PCDHGB2: variants seen among roughly 807,000 people sequenced by gnomAD.
PCDHGB2 encodes protocadherin gamma-B2.
PCDHGB2 carries 55 observed loss-of-function variants against 59.3 expected under a neutral mutation model. That is an observed-to-expected ratio of 0.93 (90% CI 0.75 to 1.16). The LOEUF (loss-of-function observed/expected upper bound fraction) is 1.16, where lower values mean the gene tolerates loss of function less well. Among genes scored for constraint, PCDHGB2 ranks in the 50% most tolerant of loss-of-function variants. The probability of loss-of-function intolerance (pLI) is 0.00; values close to 1 mark genes in which losing one functional copy is unlikely to be tolerated. For missense variants in PCDHGB2, 1,228 were observed against 1,198.5 expected (o/e 1.02, Z -0.36); for synonymous variants, 516 against 512.0 (o/e 1.01, Z -0.11).
chr5:141,453,888 C>T (rs1273180395), intron 1 of PCDHGB2, among the ~76,000 whole-genome samples: 2 of 152,198 alleles, frequency 1.3e-5, no homozygotes, highest in East Asian at 1.9e-4. Flanking sequence ...TGTGGCCAAT[C>T]ACATGACTTC....
chr5:141,432,707 G>T lies in PCDHGB2; in HGVS notation c.2422-62100G>T. The T allele has an allele frequency of 6.2e-7, 1 of 1,613,988 alleles. No homozygotes were observed. The highest frequency in any genetic ancestry group is 1.1e-5 in the South Asian group (1 of 91,080). ...CCTCGTAGTGGCCGTCCAGGACCAC[G>T]GCCAGCCCCCTCTCTCCGCCACTGT... On this transcript the variant is annotated intron_variant, in intron 1 of 3. Transcript: ENST00000522605. The surrounding 1 kb of genome is among the most constrained non-coding windows in gnomAD (Gnocchi z 6.0).
intron 1 of PCDHGB2, chr5:141,441,792 G>T: frequency 2.6e-6 from 1 of 389,292 alleles, no homozygotes; most frequent in Non-Finnish European, 5.1e-6. Context: ...GAATGACAAC[G>T]CACCGCGGGT....
intron 2 of PCDHGB2, among the ~76,000 whole-genome samples, chr5:141,504,008 C>G (rs2099835164): frequency 6.6e-6 from 1 of 152,208 alleles, no homozygotes; most frequent in South Asian, 2.1e-4. Flanking sequence ...ACTTAACTGT[C>G]TCTGCTGGTC....
At chr5:141,410,776 A>G (rs2095422946) in intron 1 of PCDHGB2, 7 of 919,622 alleles carry the variant, frequency 7.6e-6, no homozygotes, top group South Asian at 4.0e-5. Context: ...AGTTTTCACT[A>G]TGTATTTGGT....
At chr5:141,388,668 C>G in intron 1 of PCDHGB2, 1 of 1,613,882 alleles carries the variant, frequency 6.2e-7, no homozygotes, top group Non-Finnish European at 8.5e-7. Flanking sequence ...GACCACGGTG[C>G]TACAGGTGAC....
intron 1 of PCDHGB2, among the ~76,000 whole-genome samples, chr5:141,368,668 C>T (rs1198992123): frequency 1.3e-5 from 2 of 152,072 alleles, no homozygotes; most frequent in East Asian, 3.9e-4. Flanking sequence ...TCTTTAAACC[C>T]TCTATAAACT....
rs764742899 is a variant in PCDHGB2, at chr5:141,487,062, C to T, written c.2422-7745C>T. On this transcript the variant is annotated intron_variant, in intron 1 of 3. Transcript: ENST00000522605. This position sits in a 1 kb window ranked among gnomAD's most constrained non-coding sequence, Gnocchi z 5.0. Reference sequence around the variant, plus strand: ...TCTCGATATGCTGGGGAGGTGCGGACGGCTGTTCCTATCCCAGCTGACCTC... The same window carrying T: ...TCTCGATATGCTGGGGAGGTGCGGATGGCTGTTCCTATCCCAGCTGACCTC... 2.8e-5 allele frequency: 45 copies of T among 1,613,980 alleles called. No homozygotes were observed. Among genetic ancestry groups the T allele is most frequent in the East Asian group, 1.3e-4 (6 of 44,874 alleles).
chr5:141,433,555 G>C (rs1434189062), intron 1 of PCDHGB2, among the ~76,000 whole-genome samples: 1 of 152,088 alleles, frequency 6.6e-6, no homozygotes, highest in African/African-American at 2.4e-5. Flanking sequence ...TTCTTTTCTG[G>C]CTGGGCGCGG....
At chr5:141,383,599 G>C in intron 1 of PCDHGB2, 1 of 1,613,742 alleles carries the variant, frequency 6.2e-7, no homozygotes. Context: ...GACAGTGGTG[G>C]ATGTGAATGA....
intron 1 of PCDHGB2, chr5:141,384,753 G>C (rs114533608): frequency 0.027 from 43,359 of 1,614,006 alleles, 841 homozygotes; most frequent in African/African-American, 0.094. Context: ...GACTCTTTGC[G>C]GTTGGGCTGT....
At chr5:141,394,693 G>A (rs1310404999) in intron 1 of PCDHGB2, 33 of 1,612,890 alleles carry the variant, frequency 2.0e-5, no homozygotes, top group Non-Finnish European at 2.8e-5. Context: ...GGCGAGGTGC[G>A]CACGGCGCGA....
chr5:141,429,169 TACACACACACACACACACAC>T (rs10667977), intron 1 of PCDHGB2: 4 of 145,394 alleles, frequency 2.8e-5, no homozygotes, highest in Non-Finnish European at 6.0e-5. Flanking sequence ...ACATTGTTTA[TACACACACACACACACACAC>T]ACACACACAC....
intron 1 of PCDHGB2, among the ~76,000 whole-genome samples, chr5:141,492,762 T>C (rs917580804): frequency 2.6e-5 from 4 of 152,206 alleles, no homozygotes; most frequent in African/African-American, 9.6e-5. Flanking sequence ...GGGCTCCGCG[T>C]TGGGCGAGTG....
intron 1 of PCDHGB2, chr5:141,399,788 A>T: frequency 6.2e-7 from 1 of 1,613,174 alleles, no homozygotes; most frequent in South Asian, 1.1e-5. Context: ...CGAAACGACA[A>T]CGCACCGCGG....
intron 1 of PCDHGB2, among the ~76,000 whole-genome samples, chr5:141,482,529 GC>G (rs1229840218): frequency 3.6e-5 from 2 of 56,040 alleles, no homozygotes; most frequent in Non-Finnish European, 5.8e-5. Context: ...AGACAGACAT[GC>G]AAAAAAAAAA....
chr5:141,403,909 A>G (rs2094466419), intron 1 of PCDHGB2: 1 of 1,613,946 alleles, frequency 6.2e-7, no homozygotes, highest in East Asian at 2.2e-5. Context: ...AAATGGAAAT[A>G]CAAGCTGAAG....
At chr5:141,382,188 C>A (rs1009846367) in intron 1 of PCDHGB2, among the ~76,000 whole-genome samples, 4 of 152,052 alleles carry the variant, frequency 2.6e-5, no homozygotes, top group Non-Finnish European at 4.4e-5. Context: ...AGGTTCTATA[C>A]AATCAAAAAT....
At chr5:141,370,537 G>C (rs1484817452) in intron 1 of PCDHGB2, 1 of 1,613,924 alleles carries the variant, frequency 6.2e-7, no homozygotes. Context: ...TCGCTGGTAG[G>C]GAACCTCGCC....
chr5:141,428,251 T>G, intron 1 of PCDHGB2: 2 of 893,496 alleles, frequency 2.2e-6, no homozygotes, highest in Non-Finnish European at 3.6e-6. Context: ...ACTGCCAGAC[T>G]TCAGTGACAG....
Sources: allele counts gnomAD v4.1 joint callset (sites outside exome capture counted in the v4.1 genomes callset), GRCh38; gene constraint gnomAD v4.1.1; non-coding constraint Gnocchi (gnomAD v3.1); transcripts MANE v1.5; gene names NCBI Gene and HGNC (gene_info 2026-07-23, HGNC 2026-07-21).